Variants in C11orf58 observed in about 807,000 individuals in gnomAD.
C11orf58 encodes chromosome 11 open reading frame 58.
Under a neutral mutation model 22.7 loss-of-function variants are expected in C11orf58, and 5 were observed. The observed-to-expected ratio is 0.22, with a 90% CI of 0.12 to 0.46. The LOEUF is 0.46. Among genes scored for constraint, C11orf58 ranks in the 20% least tolerant of loss-of-function variants. The probability of loss-of-function intolerance (pLI) is 0.99; values close to 1 mark genes in which losing one functional copy is unlikely to be tolerated. For synonymous variants in C11orf58, 71 were observed against 70.7 expected, an observed-to-expected ratio of 1.00 and a Z score of -0.02; for missense variants, 151 against 223.3, an observed-to-expected ratio of 0.68 and a Z score of 2.06.
chr11:16,740,082 C>T, intron 1 of C11orf58, among the ~76,000 whole-genome samples: 1 of 152,268 alleles, frequency 6.6e-6, no homozygotes, highest in East Asian at 1.9e-4. Context: ...ATTTCTGCTA[C>T]TGGATTTTAG....
At chr11:16,753,020 A>C (rs530275966) in intron 4 of C11orf58, 126 bp downstream of exon 4, 60 of 660,674 alleles carry the variant, frequency 9.1e-5, no homozygotes, top group African/African-American at 8.3e-4. Flanking sequence ...GTTATCTTAA[A>C]AATAATTTTG....
chr11:16,756,131 A>G lies in C11orf58; in HGVS notation c.*1027A>G, dbSNP rs1302614440. On this transcript the variant is annotated 3_prime_UTR_variant, in exon 5 of 5. Coordinates refer to ENST00000228136, the MANE Select transcript of C11orf58 (RefSeq NM_014267.6). ...ACACAAATTGCATTATGAGCTAGTAAATGGATCTTTGGATAATGGGGTCCA... is the reference window on the plus strand; with the variant it reads ...ACACAAATTGCATTATGAGCTAGTAGATGGATCTTTGGATAATGGGGTCCA... 6.6e-6 allele frequency: 1 copy of G among 152,204 alleles called. No individual in the cohort carries two copies. Among genetic ancestry groups the G allele is most frequent in the African/African-American group, 2.4e-5 (1 of 41,454 alleles). The allele number at this position is 152,204 out of a possible 1,614,324, so 9.4% of individuals were successfully genotyped here.
intron 4 of C11orf58, among the ~76,000 whole-genome samples, chr11:16,754,280 A>G (rs73421161): frequency 0.023 from 3,526 of 152,060 alleles, 144 homozygotes; most frequent in African/African-American, 0.081. Flanking sequence ...ATGGTTTTCA[A>G]ACTAGGGGAG....
In C11orf58 at chr11:16,744,353, G is replaced by A. The variant is rs111380454; in HGVS notation, c.64-248G>A. The A allele has an allele frequency of 4.9e-3, 2,130 of 430,730 alleles. 32 individuals carry two copies. The highest frequency in any genetic ancestry group is 0.039 in the African/African-American group (1,931 of 49,718). 26.7% of individuals were successfully genotyped at this position (430,730 alleles called of 1,614,324 possible). A position where few individuals can be genotyped will look rare whatever the true frequency, so the allele number is the denominator to read the frequency against. On this transcript the variant is annotated intron_variant, in intron 1 of 4. Coordinates refer to ENST00000228136, the MANE Select transcript of C11orf58 (RefSeq NM_014267.6). ...TGTTTTAACAAGCCCTCTAGGTGAC[G>A]CTGATAGAGGCAAACTTTTGAGACT...
At position 16,755,380 on chromosome 11, in the gene C11orf58, TG is replaced by T. The variant is rs1564885742; in HGVS notation, c.*281del. 1 of 239,600 alleles carries T rather than the reference TG, an allele frequency of 4.2e-6. No individual in the cohort carries two copies. The highest frequency in any genetic ancestry group is 8.4e-5 in the East Asian group (1 of 11,888). The allele number at this position is 239,600 out of a possible 1,614,324, so 14.8% of individuals were successfully genotyped here. A position where few individuals can be genotyped will look rare whatever the true frequency, so the allele number is the denominator to read the frequency against. ...ATCATCAACCCTCTAATTCACCTTATGGGGGAAATGCTTCTTTTTGTTTGTG... is the reference window on the plus strand; with the variant it reads ...ATCATCAACCCTCTAATTCACCTTATGGGGAAATGCTTCTTTTTGTTTGTG... On this transcript the variant is annotated 3_prime_UTR_variant, in exon 5 of 5. Transcript: ENST00000228136.
At chr11:16,739,581 C>G (rs565667101) in intron 1 of C11orf58, 7 of 152,244 alleles carry the variant, frequency 4.6e-5, no homozygotes, top group African/African-American at 1.7e-4. Flanking sequence ...GTTGGGAATT[C>G]GGAGAGAAAT....
chr11:16,744,796 T>C (rs1843381070), intron 2 of C11orf58, 112 bp downstream of exon 2: 2 of 977,380 alleles, frequency 2.0e-6, no homozygotes, highest in Non-Finnish European at 3.0e-6. Flanking sequence ...CTGTTCTGTG[T>C]GATTTCTTTT....
intron 1 of C11orf58, among the ~76,000 whole-genome samples, chr11:16,740,062 G>T (rs1198506976): frequency 6.6e-6 from 1 of 152,066 alleles, no homozygotes; most frequent in Non-Finnish European, 1.5e-5. Context: ...GTTTATTCTT[G>T]CTCTCTGTTA....
intron 4 of C11orf58, among the ~76,000 whole-genome samples, chr11:16,753,178 A>G (rs1449064051): frequency 1.3e-5 from 2 of 151,784 alleles, no homozygotes; most frequent in East Asian, 3.9e-4. Context: ...CGCGGGTTCA[A>G]GTGATTCTTC....
At chr11:16,740,452 G>C (rs140423167) in intron 1 of C11orf58, among the ~76,000 whole-genome samples, 59 of 152,070 alleles carry the variant, frequency 3.9e-4, no homozygotes, top group African/African-American at 1.2e-3. Flanking sequence ...AGGCTGGAGT[G>C]CAGTGGCACG....
chr11:16,755,127 A>G lies in C11orf58; in HGVS notation c.*23A>G, dbSNP rs1380304955. ...TAACTCCCAAACGCTTAGTCTTTGTATTAAAAGTAAGCCTTATTGTTACAA... is the reference window on the plus strand; with the variant it reads ...TAACTCCCAAACGCTTAGTCTTTGTGTTAAAAGTAAGCCTTATTGTTACAA... On this transcript the variant is annotated 3_prime_UTR_variant, in exon 5 of 5. Coordinates refer to ENST00000228136, the MANE Select transcript of C11orf58 (RefSeq NM_014267.6). 1 of 1,610,396 alleles carries G rather than the reference A, an allele frequency of 6.2e-7. No individual in the cohort carries two copies. Among genetic ancestry groups the G allele is most frequent in the Non-Finnish European group, 8.5e-7 (1 of 1,178,476 alleles).
intron 1 of C11orf58, among the ~76,000 whole-genome samples, chr11:16,743,795 TAATG>T (rs1300812188): frequency 1.3e-5 from 2 of 152,016 alleles, no homozygotes; most frequent in African/African-American, 4.8e-5. Flanking sequence ...GAATTATAAA[TAATG>T]AACTATTAAA....
chr11:16,747,139 G>A (rs574492906), intron 2 of C11orf58: 27 of 152,294 alleles, frequency 1.8e-4, no homozygotes, highest in Non-Finnish European at 3.1e-4. Context: ...ACTTGATGCT[G>A]TTATATTAAA....
intron 4 of C11orf58, 68 bp downstream of exon 4, chr11:16,752,962 G>C (rs1181528384): frequency 4.1e-6 from 5 of 1,209,396 alleles, no homozygotes; most frequent in Non-Finnish European, 5.9e-6. Flanking sequence ...ATTGCTGTTA[G>C]ATTACCCTAG....
chr11:16,745,235 A>G lies in C11orf58; in HGVS notation c.147+551A>G, dbSNP rs76222323. On this transcript the variant is annotated intron_variant, in intron 2 of 4. Transcript: ENST00000228136. ...AAAACCTTAATTTTAAAAATGTTCA[A>G]GATACTTTGAAATGCCTGTCAGTTT... 7.1e-4 allele frequency among the ~76,000 whole-genome samples: 108 copies of G among 152,310 alleles called. 4 individuals carry two copies. The East Asian group carries it at 0.018, about 26-fold the overall frequency.
Position 16,744,582 on chromosome 11 carries a change from C to G in C11orf58, c.64-19C>G. 1 of 1,607,662 alleles carries G rather than the reference C, an allele frequency of 6.2e-7. No individual in the cohort carries two copies. Among genetic ancestry groups the G allele is most frequent in the Non-Finnish European group, 8.5e-7 (1 of 1,176,146 alleles). Reference sequence around the variant, plus strand: ...TATTTTTATGCAAAAAAAATTTAATCAACCAATTTTTTTTCTAGCTGGGAT... The same window carrying G: ...TATTTTTATGCAAAAAAAATTTAATGAACCAATTTTTTTTCTAGCTGGGAT... On this transcript the variant is annotated intron_variant, in intron 1 of 4. Coordinates refer to ENST00000228136, the MANE Select transcript of C11orf58 (RefSeq NM_014267.6).
At chr11:16,742,389 T>G (rs1197402363) in intron 1 of C11orf58, among the ~76,000 whole-genome samples, 1 of 152,218 alleles carries the variant, frequency 6.6e-6, no homozygotes, top group African/African-American at 2.4e-5. Context: ...GGAGTTAAAA[T>G]TAAGTTAAAT....
intron 2 of C11orf58, 96 bp from the exon 3 acceptor site, chr11:16,748,001 T>A: frequency 1.1e-6 from 1 of 900,466 alleles, no homozygotes. Flanking sequence ...CTTCACTGTG[T>A]CCCAGAAGCC....
chr11:16,743,814 A>G (rs1230624304), intron 1 of C11orf58, among the ~76,000 whole-genome samples: 1 of 151,890 alleles, frequency 6.6e-6, no homozygotes, highest in Non-Finnish European at 1.5e-5. Context: ...ATTAAAAACT[A>G]TTAAAAAACA....
Sources: gnomAD v4.1 joint callset for allele counts (sites outside exome capture counted in the v4.1 genomes callset) on GRCh38, gnomAD v4.1.1 for gene constraint, MANE v1.5 for transcripts, NCBI Gene and HGNC (gene_info 2026-07-23, HGNC 2026-07-21) for gene names.